Variants in LOC128462377 observed in about 807,000 individuals in gnomAD.
chr16:89,398,551 T>C, the LOC128462377 span, among the ~76,000 whole-genome samples: 2 of 152,164 alleles, frequency 1.3e-5, no homozygotes. Context: ...ACCCCATCTC[T>C]TAAAAAAAAT....
chr16:89,362,080 T>A, the LOC128462377 span, among the ~76,000 whole-genome samples: 1,267 of 152,380 alleles, frequency 8.3e-3, 13 homozygotes, highest in South Asian at 0.037. Flanking sequence ...ACTGAAAGTT[T>A]TGTAAAAGAT....
the LOC128462377 span, among the ~76,000 whole-genome samples, chr16:89,401,234 A>G: frequency 6.6e-6 from 1 of 151,676 alleles, no homozygotes; most frequent in African/African-American, 2.4e-5. Flanking sequence ...GGCCGCCACC[A>G]CGCCCGGCTA....
the LOC128462377 span, among the ~76,000 whole-genome samples, chr16:89,350,374 A>G: frequency 3.9e-5 from 6 of 152,302 alleles, no homozygotes; most frequent in South Asian, 8.3e-4. Context: ...GCAACTACTC[A>G]TATCAGCTTG....
At chr16:89,410,154 AAC>A in the LOC128462377 span, among the ~76,000 whole-genome samples, 1 of 152,196 alleles carries the variant, frequency 6.6e-6, no homozygotes, top group East Asian at 1.9e-4. Flanking sequence ...CTAAATTTAA[AAC>A]ACAGTTTGCT....
chr16:89,372,276 T>C, the LOC128462377 span, among the ~76,000 whole-genome samples: 1 of 152,162 alleles, frequency 6.6e-6, no homozygotes, highest in Admixed American at 6.5e-5. Flanking sequence ...TCACTGAGAT[T>C]AAGAGGGGCT....
At chr16:89,362,969 G>A in the LOC128462377 span, among the ~76,000 whole-genome samples, 10 of 151,822 alleles carry the variant, frequency 6.6e-5, no homozygotes, top group African/African-American at 1.7e-4. Context: ...TAAAAAAACC[G>A]GACACAGCGT....
At chr16:89,357,707 C>T in the LOC128462377 span, among the ~76,000 whole-genome samples, 17 of 152,286 alleles carry the variant, frequency 1.1e-4, no homozygotes, top group African/African-American at 4.1e-4. Context: ...ACAGCCAATG[C>T]TGCGGACTCC....
chr16:89,370,587 T>A, the LOC128462377 span: 8 of 152,552 alleles, frequency 5.2e-5, no homozygotes, highest in African/African-American at 1.7e-4. Flanking sequence ...TCCAGGCAGC[T>A]CAGCGTCACC....
the LOC128462377 span, among the ~76,000 whole-genome samples, chr16:89,377,102 GAAC>G: frequency 3.9e-5 from 6 of 152,314 alleles, no homozygotes; most frequent in Non-Finnish European, 7.3e-5. Flanking sequence ...TTTTGACAAT[GAAC>G]AATGCCCTTG....
At chr16:89,352,222 T>C in the LOC128462377 span, among the ~76,000 whole-genome samples, 2 of 151,908 alleles carry the variant, frequency 1.3e-5, no homozygotes, top group Non-Finnish European at 2.9e-5. Flanking sequence ...GAGACACGTT[T>C]CCCTAGGGAT....
chr16:89,376,073 T>A, the LOC128462377 span, among the ~76,000 whole-genome samples: 1 of 152,198 alleles, frequency 6.6e-6, no homozygotes, highest in Non-Finnish European at 1.5e-5. Flanking sequence ...GCAACAGGCT[T>A]GAAAATTTTT....
the LOC128462377 span, among the ~76,000 whole-genome samples, chr16:89,352,524 C>T: frequency 6.6e-6 from 1 of 152,198 alleles, no homozygotes; most frequent in African/African-American, 2.4e-5. Context: ...AAGCTCAACA[C>T]AGTGAGCGAG....
the LOC128462377 span, among the ~76,000 whole-genome samples, chr16:89,326,245 T>C: frequency 1.3e-5 from 2 of 150,980 alleles, no homozygotes; most frequent in African/African-American, 4.9e-5. Flanking sequence ...CTTGCGAGGG[T>C]GGAAATAAAC....
chr16:89,317,634 G>A, the LOC128462377 span, among the ~76,000 whole-genome samples: 3,027 of 152,236 alleles, frequency 0.02, 62 homozygotes, highest in East Asian at 0.096. Flanking sequence ...GTCTCTGAGC[G>A]AGTCCCAGCA....
At chr16:89,403,718 C>T in the LOC128462377 span, 2 of 152,160 alleles carry the variant, frequency 1.3e-5, no homozygotes, top group African/African-American at 4.8e-5. Context: ...TGACTTGAGG[C>T]CATAAGTTTG....
the LOC128462377 span, among the ~76,000 whole-genome samples, chr16:89,337,007 C>CAAAAAAA: frequency 2.1e-3 from 100 of 47,750 alleles, 5 homozygotes; most frequent in Non-Finnish European, 3.1e-3. Context: ...CTGGCTCTAC[C>CAAAAAAA]AAAAAAAAAA....
chr16:89,325,471 A>ACT, the LOC128462377 span, among the ~76,000 whole-genome samples: 4 of 117,388 alleles, frequency 3.4e-5, no homozygotes, highest in Non-Finnish European at 1.8e-5. Context: ...TCTCTCTCTC[A>ACT]CACACACACA....
the LOC128462377 span, among the ~76,000 whole-genome samples, chr16:89,359,975 G>C: frequency 6.6e-6 from 1 of 151,962 alleles, no homozygotes; most frequent in African/African-American, 2.4e-5. Flanking sequence ...TGGGCGGGGG[G>C]GGAGGTTGTA....
chr16:89,402,743 A>G, the LOC128462377 span, among the ~76,000 whole-genome samples: 1 of 97,532 alleles, frequency 1.0e-5, no homozygotes, highest in Non-Finnish European at 2.1e-5. Flanking sequence ...GGGGTGAGAT[A>G]GGGGGTATCT....
Sources: gnomAD v4.1 joint callset for allele counts (sites outside exome capture counted in the v4.1 genomes callset) on GRCh38, gnomAD v4.1.1 for gene constraint, MANE v1.5 for transcripts.